COL13A1: variants seen among roughly 807,000 people sequenced by gnomAD.
The protein encoded by COL13A1 is collagen type XIII alpha 1 chain.
In COL13A1, 89 loss-of-function variants were observed where a neutral mutation model predicts 130.9. The observed-to-expected ratio is 0.68, with a 90% CI of 0.57 to 0.81. The LOEUF (loss-of-function observed/expected upper bound fraction) is 0.81, where lower values mean the gene tolerates loss of function less well. Ranked by LOEUF, COL13A1 falls within the 30% of genes least tolerant of loss-of-function variation. COL13A1 has a pLI of 0.00. For missense variants in COL13A1, 879 were observed against 934.6 expected, an observed-to-expected ratio of 0.94 and a Z score of 0.78; for synonymous variants, 402 against 341.6, an observed-to-expected ratio of 1.18 and a Z score of -1.95.
At chr10:69,889,909 G>T (rs1352774885) in intron 10 of COL13A1, among the ~76,000 whole-genome samples, 2 of 152,172 alleles carry the variant, frequency 1.3e-5, no homozygotes. Context: ...GGGGCTGGTG[G>T]TGCCCAGTGG....
At position 69,936,738 on chromosome 10, in the gene COL13A1, G is replaced by A. The variant is rs1334891164; in HGVS notation, c.1771-18G>A. On this transcript the variant is annotated intron_variant, in intron 32 of 40. Coordinates refer to ENST00000645393, the MANE Select transcript of COL13A1 (RefSeq NM_001368882.1). Reference sequence around the variant, plus strand: ...TAGAGATGCAGTTCTAATGCACCTTGCTTTATTCCAAATGCAGGGGCTCCA... The same window carrying A: ...TAGAGATGCAGTTCTAATGCACCTTACTTTATTCCAAATGCAGGGGCTCCA... 2 of 1,613,844 alleles carry A rather than the reference G, an allele frequency of 1.2e-6. No individual in the cohort carries two copies. Among genetic ancestry groups the A allele is most frequent in the Admixed American group, 1.7e-5 (1 of 60,014 alleles).
chr10:69,839,188 T>G (rs894996385), intron 2 of COL13A1, among the ~76,000 whole-genome samples: 1 of 152,184 alleles, frequency 6.6e-6, no homozygotes, highest in Non-Finnish European at 1.5e-5. Context: ...ATTCGTTCGT[T>G]CGTTCGTTCA....
intron 7 of COL13A1, 145 bp from the exon 8 acceptor site, chr10:69,887,311 C>T (rs2060688165): frequency 2.6e-6 from 2 of 773,278 alleles, no homozygotes; most frequent in African/African-American, 3.5e-5. Context: ...CATCTTCCCT[C>T]CCAACCCACT....
intron 2 of COL13A1, among the ~76,000 whole-genome samples, chr10:69,839,244 T>C (rs1850927513): frequency 6.6e-6 from 1 of 152,230 alleles, no homozygotes; most frequent in Non-Finnish European, 1.5e-5. Context: ...CACCGAGCTC[T>C]AGTGATATGA....
chr10:69,932,038 G>A (rs1272521534), intron 30 of COL13A1, among the ~76,000 whole-genome samples: 1 of 151,932 alleles, frequency 6.6e-6, no homozygotes, highest in Non-Finnish European at 1.5e-5. Context: ...TGCCACCTGC[G>A]CCCCTGCCCT....
rs1347240756 is a variant in COL13A1 at position 69,932,685 on chromosome 10, A to G, written c.1728+81A>G. 4.3e-6 allele frequency: 4 copies of G among 929,742 alleles called. No individual in the cohort carries two copies. The East Asian group carries it at 1.0e-4, about 24-fold the overall frequency. The allele number at this position is 929,742 out of a possible 1,614,324, so 57.6% of individuals were successfully genotyped here. ...ACAGTATTTCTGTGCTTTAGAATGA[A>G]GCTTGCAACTGCCTGATGTTTACGT... On this transcript the variant is annotated intron_variant, in intron 31 of 40. Transcript: ENST00000645393.
At chr10:69,819,929 A>G (rs1247385164) in intron 1 of COL13A1, among the ~76,000 whole-genome samples, 1 of 152,156 alleles carries the variant, frequency 6.6e-6, no homozygotes, top group African/African-American at 2.4e-5. Flanking sequence ...CTCCATGAAC[A>G]ATCCTGTCTC....
chr10:69,803,191 A>T (rs1840545416), intron 1 of COL13A1, among the ~76,000 whole-genome samples: 1 of 152,206 alleles, frequency 6.6e-6, no homozygotes, highest in South Asian at 2.1e-4. Flanking sequence ...GAGAGGGGAC[A>T]GTTCTTGCAG....
chr10:69,891,401 C>A (rs1196497864), intron 10 of COL13A1, among the ~76,000 whole-genome samples: 1 of 152,134 alleles, frequency 6.6e-6, no homozygotes, highest in Non-Finnish European at 1.5e-5. Context: ...ATAGCACGTG[C>A]AAAGGTCCTG....
At chr10:69,835,876 T>C (rs908966768) in intron 2 of COL13A1, among the ~76,000 whole-genome samples, 1 of 152,250 alleles carries the variant, frequency 6.6e-6, no homozygotes, top group Non-Finnish European at 1.5e-5. Context: ...CCTGGCACTG[T>C]GATAAGCACT....
At chr10:69,881,595 G>A (rs2134347631) in intron 7 of COL13A1, among the ~76,000 whole-genome samples, 1 of 152,322 alleles carries the variant, frequency 6.6e-6, no homozygotes, top group South Asian at 2.1e-4. Flanking sequence ...GAGAAGGAGA[G>A]CAGGGGCAGG....
chr10:69,848,099 C>T (rs995803702), intron 2 of COL13A1, among the ~76,000 whole-genome samples: 1 of 152,154 alleles, frequency 6.6e-6, no homozygotes, highest in Non-Finnish European at 1.5e-5. Flanking sequence ...CTCTGAGTCA[C>T]GGAGGTGAAG....
rs955846855 is a variant in COL13A1 at position 69,917,389 on chromosome 10, A to C, written c.966+56A>C. The C allele has an allele frequency of 3.3e-6, 5 of 1,497,280 alleles. No homozygotes were observed. In the East Asian group the frequency reaches 1.2e-4, roughly 35 times the overall value. The allele number at this position is 1,497,280 out of a possible 1,614,324, so 92.7% of individuals were successfully genotyped here. ...CCCCAAGGCCCCTCCCCCAGTGCCC[A>C]TCCCTCTCTCCTCAGCTCTGGGGAC... On this transcript the variant is annotated intron_variant, in intron 18 of 40. Transcript: ENST00000645393.
At chr10:69,906,497 G>C (rs1347009321) in intron 17 of COL13A1, among the ~76,000 whole-genome samples, 1 of 152,118 alleles carries the variant, frequency 6.6e-6, no homozygotes, top group Admixed American at 6.6e-5. Flanking sequence ...CAGGAAGCTA[G>C]ACAGACTTCC....
At chr10:69,937,324 C>A (rs972713436) in intron 33 of COL13A1, among the ~76,000 whole-genome samples, 1 of 152,210 alleles carries the variant, frequency 6.6e-6, no homozygotes, top group South Asian at 2.1e-4. Context: ...GGCATCTGAG[C>A]AAATCTCTGT....
intron 17 of COL13A1, 81 bp from the exon 18 acceptor site, chr10:69,917,208 A>C: frequency 5.4e-5 from 84 of 1,566,100 alleles, no homozygotes; most frequent in Non-Finnish European, 6.7e-5. Context: ...CCTCCAGACA[A>C]GACATTCTCA....
At chr10:69,947,238 G>C in intron 37 of COL13A1, 69 bp from the exon 38 acceptor site, 1 of 1,431,564 alleles carries the variant, frequency 7.0e-7, no homozygotes, top group Middle Eastern at 1.9e-4. Flanking sequence ...GATGAGCCTG[G>C]AAGAAAGCAC....
intron 20 of COL13A1, 37 bp downstream of exon 20, chr10:69,919,125 G>A (rs752086289): frequency 3.0e-5 from 48 of 1,613,548 alleles, no homozygotes; most frequent in Non-Finnish European, 4.0e-5. Context: ...GCTGCACAGA[G>A]CATCGGTCAT....
At chr10:69,920,387 C>T (rs1409189106) in intron 21 of COL13A1, among the ~76,000 whole-genome samples, 2 of 152,200 alleles carry the variant, frequency 1.3e-5, no homozygotes, top group African/African-American at 4.8e-5. Flanking sequence ...TGGTGGGGTG[C>T]TCTTGGACAC....
Sources: gnomAD v4.1 joint callset for allele counts (sites outside exome capture counted in the v4.1 genomes callset) on GRCh38, gnomAD v4.1.1 for gene constraint, MANE v1.5 for transcripts, NCBI Gene and HGNC (gene_info 2026-07-23, HGNC 2026-07-21) for gene names.